Variants in NRXN3 observed in about 807,000 individuals in gnomAD.
The protein encoded by NRXN3 is neurexin 3.
In NRXN3, 32 loss-of-function variants were observed where a neutral mutation model predicts 137.6. The observed-to-expected ratio is 0.23, with a 90% CI of 0.18 to 0.31. NRXN3 has a LOEUF of 0.31. Ranked by LOEUF, NRXN3 falls within the 10% of genes least tolerant of loss-of-function variation. The pLI, the probability that NRXN3 is intolerant of heterozygous loss-of-function variation, is 1.00. For synonymous variants in NRXN3, 798 were observed against 784.5 expected (o/e 1.02, Z -0.29); for missense variants, 1,574 against 2,062.5 (o/e 0.76, Z 4.59).
At chr14:79,126,636 C>A (rs1322662318) in intron 15 of NRXN3, among the ~76,000 whole-genome samples, 1 of 151,912 alleles carries the variant, frequency 6.6e-6, no homozygotes, top group Non-Finnish European at 1.5e-5. Context: ...AATAAACATA[C>A]GTGTGCATGT....
intron 1 of NRXN3, among the ~76,000 whole-genome samples, chr14:78,219,811 C>G (rs535624480): frequency 6.6e-6 from 1 of 152,066 alleles, no homozygotes; most frequent in Non-Finnish European, 1.5e-5. Context: ...GGAAGCAGTA[C>G]GTTAGGAGAG....
chr14:79,858,194 A>G (rs2099406900), intron 20 of NRXN3, among the ~76,000 whole-genome samples: 1 of 150,464 alleles, frequency 6.6e-6, no homozygotes, highest in African/African-American at 2.4e-5. Flanking sequence ...GTGTTAAATG[A>G]GAGGGAGATA....
chr14:79,850,269 C>T (rs551231511), intron 20 of NRXN3, among the ~76,000 whole-genome samples: 1 of 152,244 alleles, frequency 6.6e-6, no homozygotes, highest in Admixed American at 6.5e-5. Context: ...CTCTGCCTTC[C>T]TCTCTCTAGT....
intron 4 of NRXN3, among the ~76,000 whole-genome samples, chr14:78,339,619 G>T (rs1180409581): frequency 1.3e-5 from 2 of 152,116 alleles, no homozygotes; most frequent in Non-Finnish European, 2.9e-5. Flanking sequence ...GTCAAGAAGG[G>T]ATTGCCTTTT....
intron 20 of NRXN3, among the ~76,000 whole-genome samples, chr14:79,846,908 C>A (rs1002227334): frequency 2.0e-5 from 3 of 152,150 alleles, no homozygotes; most frequent in African/African-American, 4.8e-5. Context: ...TTTTACCCCC[C>A]ACACTAGCCT....
At chr14:78,586,223 G>A (rs1352606993) in intron 4 of NRXN3, among the ~76,000 whole-genome samples, 1 of 152,188 alleles carries the variant, frequency 6.6e-6, no homozygotes, top group Admixed American at 6.5e-5. Flanking sequence ...CCATCTGGCT[G>A]TTTAGAGACA....
chr14:79,478,615 C>T (rs1237823033), intron 16 of NRXN3, among the ~76,000 whole-genome samples: 1 of 152,070 alleles, frequency 6.6e-6, no homozygotes, highest in Non-Finnish European at 1.5e-5. Flanking sequence ...CTGCCACCCT[C>T]GTAATATTGT....
chr14:78,615,619 C>A (rs1007381751), intron 4 of NRXN3, among the ~76,000 whole-genome samples: 4 of 151,426 alleles, frequency 2.6e-5, no homozygotes, highest in East Asian at 2.0e-4. Flanking sequence ...TCAAAAACAA[C>A]AACAACAACA....
At chr14:79,432,290 A>G (rs2153554772) in intron 15 of NRXN3, among the ~76,000 whole-genome samples, 1 of 152,176 alleles carries the variant, frequency 6.6e-6, no homozygotes, top group South Asian at 2.1e-4. Flanking sequence ...TTCACCTTTG[A>G]CCAACCACTG....
chr14:78,235,409 T>G (rs1295568354), intron 1 of NRXN3, among the ~76,000 whole-genome samples: 2 of 152,072 alleles, frequency 1.3e-5, no homozygotes, highest in Non-Finnish European at 2.9e-5. Flanking sequence ...TTGAATGCTG[T>G]TCTTTAGCCA....
At chr14:79,569,150 C>G (rs1350379355) in intron 16 of NRXN3, among the ~76,000 whole-genome samples, 1 of 151,972 alleles carries the variant, frequency 6.6e-6, no homozygotes, top group East Asian at 1.9e-4. Flanking sequence ...ACTTGTCTAA[C>G]TGCATTTTTT....
chr14:79,102,868 G>T (rs117106178), intron 15 of NRXN3, among the ~76,000 whole-genome samples: 428 of 152,234 alleles, frequency 2.8e-3, no homozygotes, highest in Non-Finnish European at 5.2e-3. Context: ...AAAAATGGTA[G>T]TAAGTGAGAA....
chr14:79,511,617 C>T (rs906748841), intron 16 of NRXN3, among the ~76,000 whole-genome samples: 6 of 152,148 alleles, frequency 3.9e-5, no homozygotes, highest in Non-Finnish European at 1.5e-5. Flanking sequence ...CTCAGTCTGA[C>T]CATTGAGCGC....
chr14:78,697,740 G>A lies in NRXN3; in HGVS notation c.1222-11477G>A, dbSNP rs888906825. The A allele has an allele frequency of 2.6e-5, 4 of 151,998 alleles. 1 individual carries two copies. Among genetic ancestry groups the A allele is most frequent in the Middle Eastern group, 3.4e-3 (1 of 292 alleles). 9.4% of individuals were successfully genotyped at this position (151,998 alleles called of 1,614,324 possible). On this transcript the variant is annotated intron_variant, in intron 6 of 20. Transcript: ENST00000335750. ...ACCTTTTTTGGAAAAAAATTAATTCGAGTACCAGCATTTCTGTCTATATTA... is the reference window on the plus strand; with the variant it reads ...ACCTTTTTTGGAAAAAAATTAATTCAAGTACCAGCATTTCTGTCTATATTA...
At chr14:78,255,304 G>A (rs1742412009) in intron 2 of NRXN3, among the ~76,000 whole-genome samples, 1 of 152,190 alleles carries the variant, frequency 6.6e-6, no homozygotes, top group Admixed American at 6.5e-5. Flanking sequence ...CTCGTCTGTG[G>A]TTTCATTGTG....
chr14:78,953,875 G>A (rs1044831299), intron 10 of NRXN3, among the ~76,000 whole-genome samples: 1 of 152,186 alleles, frequency 6.6e-6, no homozygotes, highest in Non-Finnish European at 1.5e-5. Context: ...AAAAATGCAG[G>A]AAAGTTAATG....
chr14:79,064,829 A>G (rs1174195407), intron 15 of NRXN3, among the ~76,000 whole-genome samples: 3 of 149,244 alleles, frequency 2.0e-5, no homozygotes, highest in Non-Finnish European at 3.0e-5. Flanking sequence ...GTGTGTATAT[A>G]TAATTACCCA....
chr14:79,219,985 G>A (rs1034412701), intron 15 of NRXN3, among the ~76,000 whole-genome samples: 11 of 152,132 alleles, frequency 7.2e-5, no homozygotes, highest in African/African-American at 1.7e-4. Flanking sequence ...ATACTTATGA[G>A]AAGCTACTTT....
rs553170532 is a variant in NRXN3, at chr14:79,279,160, G to T, written c.3263-188061G>T. Among the ~76,000 whole-genome samples the T allele has an allele frequency of 2.0e-3, 303 of 152,240 alleles. 1 individual carries two copies. Among genetic ancestry groups the T allele is most frequent in the African/African-American group, 6.8e-3 (284 of 41,572 alleles). ...ACACACGGCGGGGCGGGAGCCGCGC[G>T]AGCGAGAGGAGGGCGGGCGGCGTGT... On this transcript the variant is annotated intron_variant, in intron 15 of 20. Coordinates refer to ENST00000335750, the MANE Select transcript of NRXN3 (RefSeq NM_001330195.2).
Sources: gnomAD v4.1 joint callset for allele counts (sites outside exome capture counted in the v4.1 genomes callset) on GRCh38, gnomAD v4.1.1 for gene constraint, MANE v1.5 for transcripts, NCBI Gene and HGNC (gene_info 2026-07-23, HGNC 2026-07-21) for gene names.